SLC39A9: variants seen among roughly 807,000 people sequenced by gnomAD.
SLC39A9 encodes the protein zinc transporter ZIP9.
In SLC39A9, 14 loss-of-function variants were observed where a neutral mutation model predicts 28.4. The ratio of observed to expected loss-of-function variants is 0.49; its 90% CI spans 0.33 to 0.77. The LOEUF is 0.77. Among genes scored for constraint, SLC39A9 ranks in the 30% least tolerant of loss-of-function variants. SLC39A9 has a pLI of 0.02. For missense variants in SLC39A9, 283 were observed against 381.1 expected, an observed-to-expected ratio of 0.74 and a Z score of 2.14; for synonymous variants, 119 against 149.6, an observed-to-expected ratio of 0.80 and a Z score of 1.49.
rs368342703 is a variant in SLC39A9, at chr14:69,434,176, C to T, written c.206-7893C>T. On this transcript the variant is annotated intron_variant, in intron 2 of 6. Transcript: ENST00000336643. ...TCGGCACACTGCAACCTCCATCTTC[C>T]GGGTTCAAGCAATTCTCCTGTCTGA... 1.3e-3 allele frequency among the ~76,000 whole-genome samples: 193 copies of T among 151,118 alleles called. 1 individual carries two copies. Among genetic ancestry groups the T allele is most frequent in the Middle Eastern group, 6.8e-3 (2 of 294 alleles).
chr14:69,445,564 A>G lies in SLC39A9; in HGVS notation c.403+3298A>G, dbSNP rs531220969. On this transcript the variant is annotated intron_variant, in intron 3 of 6. Transcript: ENST00000336643. ...GTGGTTAAGTTTTTGGGGAGTGAAA[A>G]GTTGTATGTGGATTTTTGACTGTGT... Among the ~76,000 whole-genome samples the G allele has an allele frequency of 1.2e-3, 163 of 136,750 alleles. 1 individual carries two copies. In the Middle Eastern group the frequency reaches 0.029, roughly 24 times the overall value. The allele number at this position is 136,750 out of a possible 152,430, so 89.7% of individuals were successfully genotyped here.
At chr14:69,424,046 C>G in intron 1 of SLC39A9, 48 bp from the exon 2 acceptor site, 2 of 1,417,986 alleles carry the variant, frequency 1.4e-6, no homozygotes, top group Non-Finnish European at 2.0e-6. Context: ...AAACTTTTTC[C>G]CATTAATTAA....
At chr14:69,415,861 C>T (rs1883545363) in intron 1 of SLC39A9, among the ~76,000 whole-genome samples, 1 of 152,112 alleles carries the variant, frequency 6.6e-6, no homozygotes, top group South Asian at 2.1e-4. Flanking sequence ...GCCCCTCAGT[C>T]AGAAGTTCAG....
chr14:69,400,297 T>G (rs948562108), intron 1 of SLC39A9, among the ~76,000 whole-genome samples: 2 of 152,352 alleles, frequency 1.3e-5, no homozygotes, highest in Non-Finnish European at 2.9e-5. Context: ...ATCTATTTGC[T>G]TAGCAATGAA....
chr14:69,404,672 A>G (rs1446969462), intron 1 of SLC39A9, among the ~76,000 whole-genome samples: 3 of 152,106 alleles, frequency 2.0e-5, no homozygotes, highest in African/African-American at 4.8e-5. Context: ...TTGGAATCCA[A>G]AGGTCTTGTT....
chr14:69,412,313 C>G (rs1000791445), intron 1 of SLC39A9, among the ~76,000 whole-genome samples: 1 of 151,292 alleles, frequency 6.6e-6, no homozygotes, highest in Non-Finnish European at 1.5e-5. Context: ...GGCATGAACC[C>G]GGGAGGCGGA....
At chr14:69,432,161 C>A (rs1169844656) in intron 2 of SLC39A9, among the ~76,000 whole-genome samples, 1 of 152,196 alleles carries the variant, frequency 6.6e-6, no homozygotes, top group Non-Finnish European at 1.5e-5. Flanking sequence ...AGTGACTGAA[C>A]TAATTTACAT....
At position 69,399,164 on chromosome 14, in the gene SLC39A9, C is replaced by T. The variant is rs1362363696; in HGVS notation, c.-206C>T. On this transcript the variant is annotated 5_prime_UTR_variant, in exon 1 of 7. Coordinates refer to ENST00000336643, the MANE Select transcript of SLC39A9 (RefSeq NM_018375.5). Reference sequence around the variant, plus strand: ...GACCTTAGATTGCTGTAAGCTTTCTCTGGTGCTAATATCAGCAAAAAGGGT... The same window carrying T: ...GACCTTAGATTGCTGTAAGCTTTCTTTGGTGCTAATATCAGCAAAAAGGGT... The T allele has an allele frequency of 9.0e-6, 5 of 556,090 alleles. No homozygotes were observed. The highest frequency in any genetic ancestry group is 1.6e-5 in the Non-Finnish European group (5 of 318,548). 34.4% of individuals were successfully genotyped at this position (556,090 alleles called of 1,614,324 possible).
intron 1 of SLC39A9, among the ~76,000 whole-genome samples, chr14:69,401,559 G>A (rs1444026194): frequency 6.6e-6 from 1 of 152,116 alleles, no homozygotes; most frequent in African/African-American, 2.4e-5. Context: ...ACCAATTCCA[G>A]TATTTTTTCA....
Position 69,399,164 on chromosome 14 carries a change from C to G in SLC39A9, c.-206C>G, listed in dbSNP as rs1362363696. The G allele has an allele frequency of 1.8e-6, 1 of 556,086 alleles. No homozygotes were observed. The highest frequency in any genetic ancestry group is 3.1e-6 in the Non-Finnish European group (1 of 318,544). The allele number at this position is 556,086 out of a possible 1,614,324, so 34.4% of individuals were successfully genotyped here. A position where few individuals can be genotyped will look rare whatever the true frequency, so the allele number is the denominator to read the frequency against. ...GACCTTAGATTGCTGTAAGCTTTCT[C>G]TGGTGCTAATATCAGCAAAAAGGGT... On this transcript the variant is annotated 5_prime_UTR_variant, in exon 1 of 7. Coordinates refer to ENST00000336643, the MANE Select transcript of SLC39A9 (RefSeq NM_018375.5).
At chr14:69,423,790 C>T (rs1021227705) in intron 1 of SLC39A9, among the ~76,000 whole-genome samples, 8 of 151,494 alleles carry the variant, frequency 5.3e-5, no homozygotes, top group Admixed American at 1.3e-4. Context: ...CCCAGCTACC[C>T]GGGAGGCTGA....
intron 1 of SLC39A9, among the ~76,000 whole-genome samples, chr14:69,418,218 A>T (rs1316730984): frequency 1.3e-5 from 2 of 152,058 alleles, no homozygotes; most frequent in Non-Finnish European, 2.9e-5. Flanking sequence ...ATCTATTGAG[A>T]TAATCATGTG....
At chr14:69,403,603 T>A (rs996622244) in intron 1 of SLC39A9, among the ~76,000 whole-genome samples, 3 of 152,248 alleles carry the variant, frequency 2.0e-5, no homozygotes, top group African/African-American at 7.2e-5. Context: ...AGCCCAAATG[T>A]ATTGTTAAAT....
In SLC39A9 at chr14:69,460,016, A is replaced by G. The variant is rs1384270012; in HGVS notation, c.*1423A>G. ...GGTAATTTAAACAATTGAGATAGCA[A>G]AAGTGTTTAACAGACTAGGATAATT... On this transcript the variant is annotated 3_prime_UTR_variant, in exon 7 of 7. Coordinates refer to ENST00000336643, the MANE Select transcript of SLC39A9 (RefSeq NM_018375.5). The G allele has an allele frequency of 1.0e-6, 1 of 985,118 alleles. No individual in the cohort carries two copies. The highest frequency in any genetic ancestry group is 1.2e-6 in the Non-Finnish European group (1 of 829,328). 61.0% of individuals were successfully genotyped at this position (985,118 alleles called of 1,614,324 possible).
At chr14:69,441,404 T>A (rs1885043966) in intron 2 of SLC39A9, among the ~76,000 whole-genome samples, 1 of 152,238 alleles carries the variant, frequency 6.6e-6, no homozygotes, top group Non-Finnish European at 1.5e-5. Context: ...CATTTATGTT[T>A]TAAATGACAA....
At position 69,461,746 on chromosome 14, in the gene SLC39A9, A is replaced by C; in HGVS notation, c.*3153A>C. 1 of 1,535,394 alleles carries C rather than the reference A, an allele frequency of 6.5e-7. No individual in the cohort carries two copies. ...GCATCGGAGTGTATTAAGCCCCTGA[A>C]ACACATGGTAGCTAGGGACTGAACA... On this transcript the variant is annotated 3_prime_UTR_variant, in exon 7 of 7. Transcript: ENST00000336643.
chr14:69,414,050 CTTT>C (rs1186216595), intron 1 of SLC39A9, among the ~76,000 whole-genome samples: 11 of 132,154 alleles, frequency 8.3e-5, no homozygotes, highest in Non-Finnish European at 6.5e-5. Context: ...ATTTCATATT[CTTT>C]TTTTTTTTTT....
chr14:69,461,179 A>G lies in SLC39A9; in HGVS notation c.*2586A>G. On this transcript the variant is annotated 3_prime_UTR_variant, in exon 7 of 7. Transcript: ENST00000336643. ...AGAGACGCAATTGATGATGAGAAGC[A>G]TGATTCTTGCTTCCATATAACCAAA... 1 of 987,558 alleles carries G rather than the reference A, an allele frequency of 1.0e-6. No individual in the cohort carries two copies. The highest frequency in any genetic ancestry group is 1.7e-5 in the African/African-American group (1 of 57,386). The allele number at this position is 987,558 out of a possible 1,614,324, so 61.2% of individuals were successfully genotyped here. A position where few individuals can be genotyped will look rare whatever the true frequency, so the allele number is the denominator to read the frequency against.
chr14:69,400,322 G>A (rs1042743095), intron 1 of SLC39A9, among the ~76,000 whole-genome samples: 1 of 152,196 alleles, frequency 6.6e-6, no homozygotes, highest in Non-Finnish European at 1.5e-5. Context: ...TGGTTAATAC[G>A]TTTTGACATT....
Sources: allele counts gnomAD v4.1 joint callset (sites outside exome capture counted in the v4.1 genomes callset), GRCh38; gene constraint gnomAD v4.1.1; transcripts MANE v1.5; gene names NCBI Gene and HGNC (gene_info 2026-07-23, HGNC 2026-07-21).